Variants in SNTG1 observed in about 807,000 individuals in gnomAD.
SNTG1 encodes the protein gamma-1-syntrophin.
A neutral mutation model predicts 74.7 loss-of-function variants in SNTG1; 39 were observed. That is an observed-to-expected ratio of 0.52 (90% CI 0.40 to 0.68). SNTG1 has a LOEUF of 0.68. Among genes scored for constraint, SNTG1 ranks in the 30% least tolerant of loss-of-function variants. The pLI is 0.00. For missense variants in SNTG1, 685 were observed against 609.5 expected (o/e 1.12, Z -1.30); for synonymous variants, 254 against 217.1 (o/e 1.17, Z -1.49).
intron 15 of SNTG1, among the ~76,000 whole-genome samples, chr8:50,669,090 G>T (rs1203147471): frequency 6.6e-6 from 1 of 152,002 alleles, no homozygotes; most frequent in Non-Finnish European, 1.5e-5. Context: ...AAGCAGGAAA[G>T]ATCCAAAATT....
chr8:50,076,550 A>G (rs1821912400), intron 1 of SNTG1, among the ~76,000 whole-genome samples: 1 of 152,164 alleles, frequency 6.6e-6, no homozygotes, highest in Non-Finnish European at 1.5e-5. Context: ...AATACAAATC[A>G]AGAGATAGAA....
chr8:49,968,736 G>A (rs1811377189), intron 1 of SNTG1, among the ~76,000 whole-genome samples: 1 of 152,124 alleles, frequency 6.6e-6, no homozygotes, highest in Non-Finnish European at 1.5e-5. Flanking sequence ...CTCCATGAAA[G>A]AGAGGACCTC....
chr8:50,044,342 A>G (rs1818894462), intron 1 of SNTG1, among the ~76,000 whole-genome samples: 1 of 152,220 alleles, frequency 6.6e-6, no homozygotes, highest in Non-Finnish European at 1.5e-5. Flanking sequence ...TACATTTTAG[A>G]GGGAATCACA....
chr8:50,042,337 C>G (rs1818708169), intron 1 of SNTG1, among the ~76,000 whole-genome samples: 1 of 152,096 alleles, frequency 6.6e-6, no homozygotes, highest in African/African-American at 2.4e-5. Flanking sequence ...TAGGTCCTAC[C>G]CCTAATCCAT....
chr8:50,340,774 T>G (rs1028820513), intron 2 of SNTG1, among the ~76,000 whole-genome samples: 1 of 151,936 alleles, frequency 6.6e-6, no homozygotes, highest in African/African-American at 2.4e-5. Flanking sequence ...CACTAATCTA[T>G]TGATTAAAAG....
intron 2 of SNTG1, among the ~76,000 whole-genome samples, chr8:50,330,736 A>G (rs956830429): frequency 2.6e-5 from 4 of 152,208 alleles, no homozygotes; most frequent in African/African-American, 7.2e-5. Context: ...CAATCATGGA[A>G]GAAGGGGAAG....
At chr8:50,385,493 A>ATGTCTTGT (rs2092560002) in intron 2 of SNTG1, among the ~76,000 whole-genome samples, 1 of 152,180 alleles carries the variant, frequency 6.6e-6, no homozygotes, top group Non-Finnish European at 1.5e-5. Context: ...TGACACACAA[A>ATGTCTTGT]TGTCTTGTTA....
intron 2 of SNTG1, among the ~76,000 whole-genome samples, chr8:50,279,226 G>C (rs1392305427): frequency 6.6e-6 from 1 of 152,082 alleles, no homozygotes; most frequent in African/African-American, 2.4e-5. Flanking sequence ...AGCAATAAGA[G>C]TATTGGTAAA....
At chr8:50,587,236 G>A (rs1176941057) in intron 12 of SNTG1, among the ~76,000 whole-genome samples, 1 of 150,520 alleles carries the variant, frequency 6.6e-6, no homozygotes, top group Non-Finnish European at 1.5e-5. Context: ...AGGTATATAT[G>A]TATGTATGCA....
rs71233488 is a variant in SNTG1 at position 50,369,602 on chromosome 8, G to GAA, written c.-27-24599_-27-24598dup. 6.3e-4 allele frequency among the ~76,000 whole-genome samples: 87 copies of GAA among 139,154 alleles called. 1 individual carries two copies. The highest frequency in any genetic ancestry group is 8.2e-4 in the African/African-American group (31 of 37,958). The allele number at this position is 139,154 out of a possible 152,430, so 91.3% of individuals were successfully genotyped here. ...CAAGAGCAAAACTCCGTCCCAAAAA[G>GAA]AAAAAAAAAAAAGAAAAGAAACAGA... On this transcript the variant is annotated intron_variant, in intron 2 of 18. Transcript: ENST00000642720.
chr8:50,716,460 T>C (rs2095475259), intron 17 of SNTG1, among the ~76,000 whole-genome samples: 3 of 152,066 alleles, frequency 2.0e-5, no homozygotes. Flanking sequence ...AGCTGTTTGA[T>C]GTAATTTTTA....
intron 13 of SNTG1, among the ~76,000 whole-genome samples, chr8:50,651,765 T>G (rs557037776): frequency 6.6e-6 from 1 of 150,636 alleles, no homozygotes; most frequent in South Asian, 2.1e-4. Flanking sequence ...GCTTATTTAT[T>G]TATTTATTTT....
intron 1 of SNTG1, among the ~76,000 whole-genome samples, chr8:50,085,435 T>C (rs760403404): frequency 6.6e-6 from 1 of 152,202 alleles, no homozygotes; most frequent in Non-Finnish European, 1.5e-5. Context: ...CAAAATATTT[T>C]TCTCATGTAC....
At chr8:50,604,522 C>T (rs1009248724) in intron 13 of SNTG1, among the ~76,000 whole-genome samples, 11 of 152,146 alleles carry the variant, frequency 7.2e-5, no homozygotes, top group Admixed American at 5.2e-4. Flanking sequence ...TTCCACTTTT[C>T]CCTCCCCTTT....
chr8:50,121,753 C>T (rs10106888), intron 1 of SNTG1, among the ~76,000 whole-genome samples: 16,888 of 140,834 alleles, frequency 0.12, 4,554 homozygotes, highest in African/African-American at 0.41. Context: ...CCCAGTTACT[C>T]GGGAGGCTAA....
chr8:50,256,107 T>C (rs925347709), intron 2 of SNTG1, among the ~76,000 whole-genome samples: 8 of 152,296 alleles, frequency 5.3e-5, no homozygotes, highest in African/African-American at 1.7e-4. Flanking sequence ...TGTATGTATG[T>C]CATTAGGATT....
intron 18 of SNTG1, among the ~76,000 whole-genome samples, chr8:50,780,966 G>A (rs1444116447): frequency 2.0e-5 from 3 of 152,132 alleles, no homozygotes; most frequent in Non-Finnish European, 4.4e-5. Context: ...TACGTACCGA[G>A]TAGTCATTCA....
chr8:50,512,100 G>A (rs1055021561), intron 9 of SNTG1, among the ~76,000 whole-genome samples: 1 of 151,852 alleles, frequency 6.6e-6, no homozygotes, highest in African/African-American at 2.4e-5. Context: ...AGCTCTTTTA[G>A]TGCAGGCCTG....
intron 12 of SNTG1, among the ~76,000 whole-genome samples, chr8:50,573,347 A>AT (rs937956241): frequency 6.6e-6 from 1 of 152,050 alleles, no homozygotes; most frequent in Non-Finnish European, 1.5e-5. Context: ...TGTTTCTTAA[A>AT]TTTTTTAAGT....
Sources: gnomAD v4.1 joint callset for allele counts (sites outside exome capture counted in the v4.1 genomes callset) on GRCh38, gnomAD v4.1.1 for gene constraint, MANE v1.5 for transcripts, NCBI Gene and HGNC (gene_info 2026-07-23, HGNC 2026-07-21) for gene names.